The following ADAM23 variants were observed in gnomAD, a reference collection of about 807,000 sequenced individuals.
ADAM23 encodes the protein disintegrin and metalloproteinase domain-containing protein 23.
In ADAM23, 33 loss-of-function variants were observed where a neutral mutation model predicts 120.1. That is an observed-to-expected ratio of 0.27 (90% CI 0.21 to 0.37). The LOEUF is 0.37. ADAM23 is among the 10% of genes least tolerant of loss of function. The pLI, the probability that ADAM23 is intolerant of heterozygous loss-of-function variation, is 1.00. For synonymous variants in ADAM23, 367 were observed against 375.2 expected (o/e 0.98, Z 0.25); for missense variants, 862 against 1,058.2 (o/e 0.81, Z 2.57).
rs564504509 is a variant in ADAM23, at chr2:206,445,006, C to G, written c.215-301C>G. Among the ~76,000 whole-genome samples the G allele has an allele frequency of 8.0e-5, 12 of 150,896 alleles. No homozygotes were observed. In the East Asian group the frequency reaches 1.4e-3, roughly 18 times the overall value. On this transcript the variant is annotated intron_variant, in intron 1 of 25. Transcript: ENST00000264377. ...TCCCTCAAGTTCATTCTACCCCCCCCCCAACACTTAGAAGTATAGATTTGA... is the reference window on the plus strand; with the variant it reads ...TCCCTCAAGTTCATTCTACCCCCCCGCCAACACTTAGAAGTATAGATTTGA...
At chr2:206,459,853 A>G (rs967988608) in intron 2 of ADAM23, among the ~76,000 whole-genome samples, 1 of 152,186 alleles carries the variant, frequency 6.6e-6, no homozygotes, top group African/African-American at 2.4e-5. Context: ...CAAGCCATCA[A>G]GTTTTGTGTT....
chr2:206,556,002 A>G (rs1234268453), intron 9 of ADAM23, among the ~76,000 whole-genome samples: 1 of 152,168 alleles, frequency 6.6e-6, no homozygotes, highest in Non-Finnish European at 1.5e-5. Context: ...AAAATGTGTT[A>G]TAATGCCTGA....
chr2:206,528,956 G>A (rs1301539946), intron 3 of ADAM23, among the ~76,000 whole-genome samples: 2 of 152,130 alleles, frequency 1.3e-5, no homozygotes, highest in East Asian at 3.8e-4. Context: ...CAGCAAATGC[G>A]AGTTATCACT....
At chr2:206,564,186 A>T (rs943352239) in intron 13 of ADAM23, among the ~76,000 whole-genome samples, 4 of 152,018 alleles carry the variant, frequency 2.6e-5, no homozygotes, top group Admixed American at 2.0e-4. Flanking sequence ...CTCTCTATAT[A>T]TATACGTTGA....
intron 23 of ADAM23, among the ~76,000 whole-genome samples, chr2:206,595,740 A>T (rs1472518178): frequency 6.6e-6 from 1 of 152,232 alleles, no homozygotes. Context: ...ATACTTATGT[A>T]ATATCATGAT....
chr2:206,500,472 AT>A, intron 3 of ADAM23, among the ~76,000 whole-genome samples: 1 of 152,322 alleles, frequency 6.6e-6, no homozygotes, highest in Middle Eastern at 3.4e-3. Flanking sequence ...AAAACCTTGT[AT>A]ATTAGTAAGA....
chr2:206,617,880 C>A lies in ADAM23; in HGVS notation c.*253C>A. 2 of 600,302 alleles carry A rather than the reference C, an allele frequency of 3.3e-6. No individual in the cohort carries two copies. The highest frequency in any genetic ancestry group is 4.9e-6 in the Non-Finnish European group (2 of 409,014). 37.2% of individuals were successfully genotyped at this position (600,302 alleles called of 1,614,324 possible). A position where few individuals can be genotyped will look rare whatever the true frequency, so the allele number is the denominator to read the frequency against. ...AGACCATGCTATAAAAAGAACTGTT[C>A]CAGAATCTTTTTTTTCCCTAATGGA... On this transcript the variant is annotated 3_prime_UTR_variant, in exon 26 of 26. Coordinates refer to ENST00000264377, the MANE Select transcript of ADAM23 (RefSeq NM_003812.4).
chr2:206,500,991 C>T (rs1696375708), intron 3 of ADAM23, among the ~76,000 whole-genome samples: 1 of 150,056 alleles, frequency 6.7e-6, no homozygotes, highest in Non-Finnish European at 1.5e-5. Context: ...GTGAGCCACT[C>T]ACTTTTTTTT....
chr2:206,529,838 G>A (rs1387102590), intron 3 of ADAM23, among the ~76,000 whole-genome samples: 2 of 151,646 alleles, frequency 1.3e-5, no homozygotes, highest in African/African-American at 4.8e-5. Flanking sequence ...TTGAGATGGA[G>A]TCTCACTCTG....
chr2:206,529,173 A>T (rs557708239), intron 3 of ADAM23, among the ~76,000 whole-genome samples: 88 of 152,308 alleles, frequency 5.8e-4, no homozygotes, highest in African/African-American at 2.0e-3. Context: ...CTGAATAAGT[A>T]CTAGGCTAAG....
At chr2:206,563,525 T>C (rs1225210897) in intron 13 of ADAM23, among the ~76,000 whole-genome samples, 2 of 152,124 alleles carry the variant, frequency 1.3e-5, no homozygotes, top group Non-Finnish European at 2.9e-5. Context: ...AAAGGAAGTG[T>C]TTAGAGTTTC....
At chr2:206,467,618 G>T (rs964101970) in intron 2 of ADAM23, among the ~76,000 whole-genome samples, 1 of 152,306 alleles carries the variant, frequency 6.6e-6, no homozygotes, top group Non-Finnish European at 1.5e-5. Context: ...GGCTTTTACA[G>T]GCACAGGGTG....
intron 3 of ADAM23, among the ~76,000 whole-genome samples, chr2:206,519,676 C>G (rs1210660701): frequency 1.3e-5 from 2 of 152,054 alleles, no homozygotes; most frequent in Non-Finnish European, 2.9e-5. Context: ...AAGTATGTTT[C>G]TAATTGCTAC....
At chr2:206,584,217 C>T (rs753022865) in intron 18 of ADAM23, among the ~76,000 whole-genome samples, 4 of 152,100 alleles carry the variant, frequency 2.6e-5, no homozygotes, top group Non-Finnish European at 5.9e-5. Context: ...GAACTGTCTG[C>T]GAGTCTCTCA....
intron 4 of ADAM23, among the ~76,000 whole-genome samples, chr2:206,534,541 A>G (rs576056357): frequency 2.0e-5 from 3 of 151,936 alleles, no homozygotes; most frequent in Non-Finnish European, 4.4e-5. Context: ...TTCAAGTACT[A>G]TATATTTGTT....
intron 6 of ADAM23, among the ~76,000 whole-genome samples, chr2:206,544,827 T>C (rs1697362728): frequency 6.6e-6 from 1 of 151,898 alleles, no homozygotes; most frequent in Non-Finnish European, 1.5e-5. Flanking sequence ...TTAGCCAGGA[T>C]GGAGTTAAAT....
At chr2:206,474,958 C>G (rs1037900535) in intron 2 of ADAM23, among the ~76,000 whole-genome samples, 6 of 152,122 alleles carry the variant, frequency 3.9e-5, no homozygotes, top group Non-Finnish European at 1.5e-5. Context: ...GACCGGAAAA[C>G]ATTGAGGCTT....
chr2:206,609,696 G>A (rs752932455), intron 24 of ADAM23: 1 of 489,182 alleles, frequency 2.0e-6, no homozygotes, highest in Non-Finnish European at 3.5e-6. Flanking sequence ...AATTGTCAAT[G>A]GTGCAGAAAC....
At chr2:206,450,828 G>A (rs546242314) in intron 2 of ADAM23, among the ~76,000 whole-genome samples, 2 of 152,210 alleles carry the variant, frequency 1.3e-5, no homozygotes, top group Non-Finnish European at 2.9e-5. Context: ...GTTCAGTTTT[G>A]TTTGATTCAG....
Sources: allele counts gnomAD v4.1 joint callset (sites outside exome capture counted in the v4.1 genomes callset), GRCh38; gene constraint gnomAD v4.1.1; transcripts MANE v1.5; gene names NCBI Gene and HGNC (gene_info 2026-07-23, HGNC 2026-07-21).